Variants in BIVM observed in about 807,000 individuals in gnomAD.
BIVM encodes the protein basic, immunoglobulin-like variable motif containing.
Under a neutral mutation model 61.4 loss-of-function variants are expected in BIVM, and 31 were observed. The observed-to-expected ratio is 0.51, with a 90% confidence interval of 0.38 to 0.68. The LOEUF is 0.68. BIVM is among the 30% of genes least tolerant of loss of function. The pLI is 0.00. For missense variants in BIVM, 526 were observed against 596.0 expected (o/e 0.88, Z 1.22); for synonymous variants, 189 against 210.7 (o/e 0.90, Z 0.89).
intron 3 of BIVM, among the ~76,000 whole-genome samples, chr13:102,809,440 A>G (rs550186354): frequency 1.9e-3 from 290 of 152,342 alleles, no homozygotes; most frequent in African/African-American, 6.7e-3. Flanking sequence ...TGAATGTGCC[A>G]TGTGCACTTG....
chr13:102,807,804 T>C lies in BIVM; in HGVS notation c.478+59T>C. On this transcript the variant is annotated intron_variant, in intron 3 of 10. Coordinates refer to ENST00000257336, the MANE Select transcript of BIVM (RefSeq NM_017693.4). This position sits in a 1 kb window ranked among gnomAD's most constrained non-coding sequence, Gnocchi z 4.0. Reference sequence around the variant, plus strand: ...ATAATGAGAAAACAAACACTATGTCTTGTTTAATCTTGCCATTACACATAG... The same window carrying C: ...ATAATGAGAAAACAAACACTATGTCCTGTTTAATCTTGCCATTACACATAG... 6.7e-7 allele frequency: 1 copy of C among 1,487,506 alleles called. No individual in the cohort carries two copies. Among genetic ancestry groups the C allele is most frequent in the Non-Finnish European group, 9.0e-7 (1 of 1,107,524 alleles). 92.1% of individuals were successfully genotyped at this position (1,487,506 alleles called of 1,614,324 possible).
At chr13:102,799,575 G>A (rs926224817) in intron 1 of BIVM, 54 bp downstream of exon 1, 20 of 152,344 alleles carry the variant, frequency 1.3e-4, no homozygotes, top group African/African-American at 4.6e-4. Flanking sequence ...TGCGCTCTGA[G>A]CGCCTGGCCC....
intron 3 of BIVM, among the ~76,000 whole-genome samples, chr13:102,814,966 C>G (rs1215828350): frequency 6.6e-6 from 1 of 152,108 alleles, no homozygotes; most frequent in Non-Finnish European, 1.5e-5. Flanking sequence ...ATTGCTTGAG[C>G]CCCGGAGGCA....
At chr13:102,821,929 C>A in intron 6 of BIVM, 82 bp downstream of exon 6, 2 of 1,542,386 alleles carry the variant, frequency 1.3e-6, no homozygotes, top group South Asian at 1.2e-5. Context: ...GATAGTAAAC[C>A]ATGTATCCAG....
At chr13:102,803,749 C>A (rs1566443303) in intron 1 of BIVM, among the ~76,000 whole-genome samples, 1 of 151,788 alleles carries the variant, frequency 6.6e-6, no homozygotes, top group Non-Finnish European at 1.5e-5. Context: ...CCCCACGACC[C>A]CAATACCACA....
At position 102,816,537 on chromosome 13, in the gene BIVM, A is replaced by G. The variant is rs774627395; in HGVS notation, c.588A>G (p.Val196=). 6.3e-7 allele frequency: 1 copy of G among 1,574,854 alleles called. No homozygotes were observed. Reference sequence around the variant, plus strand: ...TTGAAGATATTAAACAGCGGAAAGTATTAGACCTCAGACGATGGTGATGTT... The same window carrying G: ...TTGAAGATATTAAACAGCGGAAAGTGTTAGACCTCAGACGATGGTGATGTT... ...SPLEDIKQRK[V]LDLRRWYCIS... The change falls in exon 4 of 11, where the codon GTA becomes GTG. Residue 196 remains valine (V), a synonymous_variant. Coordinates refer to ENST00000257336, the MANE Select transcript of BIVM (RefSeq NM_017693.4).
chr13:102,830,387 T>C (rs750571211), intron 7 of BIVM, among the ~76,000 whole-genome samples: 9 of 152,202 alleles, frequency 5.9e-5, no homozygotes, highest in Non-Finnish European at 1.3e-4. Context: ...TTAGGATTTC[T>C]AGTTTTAATG....
intron 3 of BIVM, among the ~76,000 whole-genome samples, chr13:102,813,170 C>A (rs1879618995): frequency 6.6e-6 from 1 of 152,066 alleles, no homozygotes; most frequent in Non-Finnish European, 1.5e-5. Context: ...ATTCCTGGTG[C>A]CTCCTACACT....
intron 7 of BIVM, among the ~76,000 whole-genome samples, chr13:102,831,329 A>G (rs1264997320): frequency 1.3e-5 from 2 of 152,256 alleles, no homozygotes; most frequent in Non-Finnish European, 2.9e-5. Context: ...AAGCAAGGAC[A>G]TATTTTAGTT....
chr13:102,811,065 A>G (rs1879461408), intron 3 of BIVM, among the ~76,000 whole-genome samples: 1 of 152,230 alleles, frequency 6.6e-6, no homozygotes, highest in Non-Finnish European at 1.5e-5. Flanking sequence ...TAATTTCTCA[A>G]AAATGTATTA....
Position 102,831,546 on chromosome 13 carries a change from G to A in BIVM, c.902-19G>A, listed in dbSNP as rs1436675413. Reference sequence around the variant, plus strand: ...TGCTTTATGGGCTTTCAGTTTGTGTGTTTGTTTGTTTTTAATAGCTTCAGG... The same window carrying A: ...TGCTTTATGGGCTTTCAGTTTGTGTATTTGTTTGTTTTTAATAGCTTCAGG... On this transcript the variant is annotated intron_variant, in intron 7 of 10. Coordinates refer to ENST00000257336, the MANE Select transcript of BIVM (RefSeq NM_017693.4). 2 of 1,613,790 alleles carry A rather than the reference G, an allele frequency of 1.2e-6. No individual in the cohort carries two copies. The highest frequency in any genetic ancestry group is 1.7e-5 in the Admixed American group (1 of 59,990).
chr13:102,828,068 C>A (rs193236191), intron 7 of BIVM, among the ~76,000 whole-genome samples: 1 of 152,160 alleles, frequency 6.6e-6, no homozygotes, highest in Non-Finnish European at 1.5e-5. Flanking sequence ...CTGGGGACCA[C>A]GCTGTTGTGA....
chr13:102,802,372 A>G (rs1016151523), intron 1 of BIVM, among the ~76,000 whole-genome samples: 6 of 152,196 alleles, frequency 3.9e-5, no homozygotes, highest in African/African-American at 1.4e-4. Context: ...GGCTCTCACT[A>G]TAGTGGAGAG....
chr13:102,814,733 T>C (rs1313700527), intron 3 of BIVM, among the ~76,000 whole-genome samples: 1 of 152,158 alleles, frequency 6.6e-6, no homozygotes, highest in Non-Finnish European at 1.5e-5. Flanking sequence ...GTGTGTTCTC[T>C]GTAAAAACTT....
intron 1 of BIVM, among the ~76,000 whole-genome samples, chr13:102,800,087 C>T (rs1878643719): frequency 6.6e-6 from 1 of 152,216 alleles, no homozygotes; most frequent in Admixed American, 6.5e-5. Context: ...CCAGAAGAGC[C>T]GGTGGCTCCG....
In BIVM at chr13:102,831,710, G is replaced by A. The variant is rs2181676; in HGVS notation, c.1034+13G>A. ...ATAAAGCATTCAGGTAAGCATTGAC[G>A]TGTTTTAGAAAGTGCATTTTAAGAA... On this transcript the variant is annotated intron_variant, in intron 8 of 10. Coordinates refer to ENST00000257336, the MANE Select transcript of BIVM (RefSeq NM_017693.4). 0.98 allele frequency: 1,587,573 copies of A among 1,613,936 alleles called. 783,539 individuals carry two copies. Among genetic ancestry groups the A allele is most frequent in the Non-Finnish European group, 1 (1,179,151 of 1,180,022 alleles).
intron 10 of BIVM, among the ~76,000 whole-genome samples, chr13:102,839,331 G>A (rs1490600517): frequency 2.0e-5 from 3 of 152,166 alleles, no homozygotes; most frequent in Non-Finnish European, 1.5e-5. Context: ...AGTATGTGTT[G>A]GGAGTGAGTA....
At chr13:102,809,729 G>A (rs1236270499) in intron 3 of BIVM, among the ~76,000 whole-genome samples, 1 of 151,276 alleles carries the variant, frequency 6.6e-6, no homozygotes, top group Non-Finnish European at 1.5e-5. Context: ...GTACATTTAC[G>A]TTGTTGTGCA....
chr13:102,805,759 C>T (rs1879028784), intron 2 of BIVM, among the ~76,000 whole-genome samples: 1 of 151,908 alleles, frequency 6.6e-6, no homozygotes, highest in Non-Finnish European at 1.5e-5. Flanking sequence ...AATACACTAT[C>T]TGGTCCTTTG....
Sources: allele counts gnomAD v4.1 joint callset (sites outside exome capture counted in the v4.1 genomes callset), GRCh38; gene constraint gnomAD v4.1.1; non-coding constraint Gnocchi (gnomAD v3.1); transcripts MANE v1.5; gene names NCBI Gene and HGNC (gene_info 2026-07-23, HGNC 2026-07-21).